PBX1: variants seen among roughly 807,000 people sequenced by gnomAD.
The protein encoded by PBX1 is PBX homeobox 1.
Under a neutral mutation model 53.4 loss-of-function variants are expected in PBX1, and 6 were observed. That is an observed-to-expected ratio of 0.11 (90% CI 0.06 to 0.22). The LOEUF (loss-of-function observed/expected upper bound fraction) is 0.22. Ranked by LOEUF, PBX1 falls within the 10% of genes least tolerant of loss-of-function variation. The pLI, the probability that PBX1 is intolerant of heterozygous loss-of-function variation, is 1.00. For missense variants in PBX1, 251 were observed against 551.4 expected, an observed-to-expected ratio of 0.46 and a Z score of 5.46; for synonymous variants, 204 against 212.3, an observed-to-expected ratio of 0.96 and a Z score of 0.34.
intron 2 of PBX1, among the ~76,000 whole-genome samples, chr1:164,688,488 A>C (rs1394666284): frequency 6.6e-6 from 1 of 152,126 alleles, no homozygotes; most frequent in African/African-American, 2.4e-5. Flanking sequence ...TTACTTCCGC[A>C]TTTGCTCATG....
At chr1:164,747,225 T>A (rs1334094163) in intron 2 of PBX1, among the ~76,000 whole-genome samples, 2 of 152,140 alleles carry the variant, frequency 1.3e-5, no homozygotes, top group African/African-American at 4.8e-5. Flanking sequence ...TTGAGAATGA[T>A]CTTTTTTAAA....
intron 2 of PBX1, among the ~76,000 whole-genome samples, chr1:164,695,463 G>A (rs1056945527): frequency 2.6e-5 from 4 of 152,036 alleles, no homozygotes; most frequent in African/African-American, 7.2e-5. Flanking sequence ...TCCTACTAGC[G>A]ATTTCTTGTA....
intron 3 of PBX1, among the ~76,000 whole-genome samples, chr1:164,793,467 T>A (rs1448010529): frequency 6.6e-6 from 1 of 152,148 alleles, no homozygotes; most frequent in South Asian, 2.1e-4. Context: ...GATCTGTGGA[T>A]TTGGAGTCAC....
At chr1:164,729,809 C>T (rs969848065) in intron 2 of PBX1, among the ~76,000 whole-genome samples, 1 of 151,822 alleles carries the variant, frequency 6.6e-6, no homozygotes, top group African/African-American at 2.4e-5. Context: ...GTATAATAAG[C>T]AAAAGACAGA....
intron 2 of PBX1, among the ~76,000 whole-genome samples, chr1:164,876,517 A>G (rs972144412): frequency 6.7e-6 from 1 of 149,512 alleles, no homozygotes; most frequent in African/African-American, 2.5e-5. Flanking sequence ...GTTTCTGAGA[A>G]CTCAGGGCTA....
rs1671834512 is a variant in PBX1, at chr1:164,851,402, T to C, written c.*4726T>C. 1 of 202,902 alleles carries C rather than the reference T, an allele frequency of 4.9e-6. No individual in the cohort carries two copies. Among genetic ancestry groups the C allele is most frequent in the African/African-American group, 2.3e-5 (1 of 43,620 alleles). 12.6% of individuals were successfully genotyped at this position (202,902 alleles called of 1,614,324 possible). A position where few individuals can be genotyped will look rare whatever the true frequency, so the allele number is the denominator to read the frequency against. ...AGTCACAACAAAATAATGATGAGCT[T>C]TTCACATCACCTTTATGGTTTCAAT... On this transcript the variant is annotated 3_prime_UTR_variant, in exon 9 of 9. Coordinates refer to ENST00000420696, the MANE Select transcript of PBX1 (RefSeq NM_002585.4).
chr1:164,727,424 G>A (rs1010269940), intron 2 of PBX1, among the ~76,000 whole-genome samples: 3 of 152,210 alleles, frequency 2.0e-5, no homozygotes, highest in African/African-American at 7.2e-5. Context: ...TTAACAGTTT[G>A]TAAGTACTAA....
At chr1:164,880,246 G>A (rs1672615787) in intron 2 of PBX1, among the ~76,000 whole-genome samples, 1 of 152,158 alleles carries the variant, frequency 6.6e-6, no homozygotes, top group Non-Finnish European at 1.5e-5. Flanking sequence ...TTTGATGCTA[G>A]GGACACAGAG....
chr1:164,610,668 C>A (rs1656859628), intron 2 of PBX1, among the ~76,000 whole-genome samples: 1 of 152,152 alleles, frequency 6.6e-6, no homozygotes, highest in South Asian at 2.1e-4. Flanking sequence ...CTCTGGTTCA[C>A]CAAGGACCTT....
intron 2 of PBX1, among the ~76,000 whole-genome samples, chr1:164,629,219 G>C (rs1166936537): frequency 6.6e-6 from 1 of 151,732 alleles, no homozygotes; most frequent in Non-Finnish European, 1.5e-5. Context: ...TGATACTCAT[G>C]ATCTAAAATT....
At chr1:164,599,650 C>T (rs778735817) in intron 2 of PBX1, among the ~76,000 whole-genome samples, 3 of 152,168 alleles carry the variant, frequency 2.0e-5, no homozygotes, top group South Asian at 2.1e-4. Context: ...GGATGCCTGG[C>T]GACTGTAGGG....
intron 2 of PBX1, among the ~76,000 whole-genome samples, chr1:164,618,834 TATAGGTGCCCTG>T (rs1233796051): frequency 6.6e-6 from 1 of 152,196 alleles, no homozygotes; most frequent in Admixed American, 6.5e-5. Context: ...GATTGCAAAA[TATAGGTGCCCTG>T]ATTAGCCCTC....
Position 164,858,289 on chromosome 1 carries a change from G to A in PBX1, n.257+26806G>A, listed in dbSNP as rs139187917. Among the ~76,000 whole-genome samples the A allele has an allele frequency of 7.0e-3, 1,071 of 152,206 alleles. 8 individuals are homozygous for A. The highest frequency in any genetic ancestry group is 0.025 in the African/African-American group (1,033 of 41,520). On this transcript the variant is annotated intron_variant and non_coding_transcript_variant, in intron 2 of 2. Coordinates refer to the PBX1 transcript ENST00000558796. ...CTAGGGACAAAGAGTCCAAGTATGT[G>A]CCTTGTAAATGTCTTTTTTAGCCTC...
At chr1:164,827,837 C>G (rs1670544019) in intron 8 of PBX1, among the ~76,000 whole-genome samples, 1 of 152,182 alleles carries the variant, frequency 6.6e-6, no homozygotes, top group Non-Finnish European at 1.5e-5. Context: ...CTCATTCATT[C>G]AATAAACATA....
chr1:164,564,709 A>G (rs1653309478), intron 2 of PBX1, among the ~76,000 whole-genome samples: 1 of 152,146 alleles, frequency 6.6e-6, no homozygotes, highest in African/African-American at 2.4e-5. Context: ...AACTTTTAAA[A>G]GATTTATGGA....
At chr1:164,593,330 CTGGTGGGT>C (rs1012633258) in intron 2 of PBX1, among the ~76,000 whole-genome samples, 2 of 152,110 alleles carry the variant, frequency 1.3e-5, no homozygotes, top group African/African-American at 4.8e-5. Context: ...ATTTTGACTC[CTGGTGGGT>C]TGCTGTAGTA....
intron 2 of PBX1, among the ~76,000 whole-genome samples, chr1:164,634,550 C>T (rs1770550): frequency 0.43 from 64,816 of 151,920 alleles, 14,308 homozygotes; most frequent in East Asian, 0.54. Context: ...TCTTTAGTCC[C>T]TCCCACAATG....
intron 2 of PBX1, among the ~76,000 whole-genome samples, chr1:164,881,141 C>G (rs900176374): frequency 2.0e-5 from 3 of 152,172 alleles, no homozygotes; most frequent in African/African-American, 4.8e-5. Context: ...CACCATGAGC[C>G]TAATCCTCCC....
At chr1:164,636,908 A>G (rs1008593804) in intron 2 of PBX1, among the ~76,000 whole-genome samples, 8 of 152,270 alleles carry the variant, frequency 5.3e-5, no homozygotes, top group Middle Eastern at 3.4e-3. Flanking sequence ...AGGATATGGT[A>G]GGAGGATGGC....
Sources: allele counts gnomAD v4.1 joint callset (sites outside exome capture counted in the v4.1 genomes callset), GRCh38; gene constraint gnomAD v4.1.1; transcripts MANE v1.5; gene names NCBI Gene and HGNC (gene_info 2026-07-23, HGNC 2026-07-21).